Variants in POC1A observed in about 807,000 individuals in gnomAD.
POC1A encodes the protein POC1 centriolar protein A.
POC1A carries 34 observed loss-of-function variants against 47.8 expected under a neutral mutation model. The ratio of observed to expected loss-of-function variants is 0.71; its 90% CI spans 0.54 to 0.95. The LOEUF (loss-of-function observed/expected upper bound fraction) is 0.95, where lower values mean the gene tolerates loss of function less well. Among genes scored for constraint, POC1A ranks in the 40% least tolerant of loss-of-function variants. The pLI is 0.00. For synonymous variants in POC1A, 177 were observed against 207.6 expected (o/e 0.85, Z 1.27); for missense variants, 466 against 528.3 (o/e 0.88, Z 1.16).
chr3:52,099,026 T>C (rs527248753), intron 9 of POC1A, among the ~76,000 whole-genome samples: 42 of 152,306 alleles, frequency 2.8e-4, no homozygotes, highest in African/African-American at 7.7e-4. Flanking sequence ...GCAGGTGACA[T>C]TGACTGCAGC....
At chr3:52,081,651 G>A (rs1702298592) in intron 10 of POC1A, among the ~76,000 whole-genome samples, 1 of 152,150 alleles carries the variant, frequency 6.6e-6, no homozygotes, top group Admixed American at 6.5e-5. Flanking sequence ...GGGGAGGCAG[G>A]AGATGGGGTT....
intron 9 of POC1A, among the ~76,000 whole-genome samples, chr3:52,108,170 A>G (rs765531693): frequency 2.0e-5 from 3 of 152,240 alleles, no homozygotes; most frequent in Non-Finnish European, 4.4e-5. Context: ...ATTACAGGGA[A>G]TGTTGACCTT....
At chr3:52,114,134 A>G (rs528704647) in intron 9 of POC1A, among the ~76,000 whole-genome samples, 1 of 152,388 alleles carries the variant, frequency 6.6e-6, no homozygotes, top group East Asian at 1.9e-4. Flanking sequence ...CTTACTGCCA[A>G]CTAAGTTCTG....
At chr3:52,103,012 A>G (rs1703050263) in intron 9 of POC1A, among the ~76,000 whole-genome samples, 1 of 152,276 alleles carries the variant, frequency 6.6e-6, no homozygotes. Context: ...AAGGATAGAC[A>G]CGTACATTAA....
intron 7 of POC1A, among the ~76,000 whole-genome samples, chr3:52,129,665 G>A (rs1704137623): frequency 6.6e-6 from 1 of 152,178 alleles, no homozygotes. Context: ...ATGCCTCACA[G>A]GCTCAATAAG....
intron 9 of POC1A, among the ~76,000 whole-genome samples, chr3:52,107,577 T>C (rs769746746): frequency 3.9e-5 from 6 of 152,252 alleles, no homozygotes; most frequent in Non-Finnish European, 8.8e-5. Context: ...GAGCTGGTGC[T>C]GAGTATCTTA....
intron 7 of POC1A, among the ~76,000 whole-genome samples, chr3:52,137,385 C>A (rs546284309): frequency 6.6e-6 from 1 of 152,318 alleles, no homozygotes; most frequent in Non-Finnish European, 1.5e-5. Context: ...CCCAGGGCCT[C>A]CCTCAGCATG....
intron 6 of POC1A, among the ~76,000 whole-genome samples, chr3:52,145,268 A>T (rs1432415869): frequency 6.6e-6 from 1 of 152,150 alleles, no homozygotes; most frequent in Non-Finnish European, 1.5e-5. Flanking sequence ...GCCTGACATG[A>T]GCCCATGCCC....
At chr3:52,094,996 T>C (rs557059644) in intron 10 of POC1A, among the ~76,000 whole-genome samples, 18 of 152,342 alleles carry the variant, frequency 1.2e-4, no homozygotes, top group South Asian at 2.1e-4. Context: ...TAAAACACAG[T>C]GACAGGAAAT....
At chr3:52,105,502 G>A (rs541844472) in intron 9 of POC1A, among the ~76,000 whole-genome samples, 4 of 152,272 alleles carry the variant, frequency 2.6e-5, no homozygotes, top group African/African-American at 4.8e-5. Context: ...GGAACACACC[G>A]AGCTCACGTG....
intron 9 of POC1A, among the ~76,000 whole-genome samples, chr3:52,114,983 G>A (rs555881870): frequency 1.2e-4 from 19 of 152,274 alleles, no homozygotes; most frequent in Admixed American, 9.8e-4. Flanking sequence ...ACATTAACAG[G>A]CACATCTTGA....
chr3:52,119,249 C>G (rs1703680032), intron 9 of POC1A, among the ~76,000 whole-genome samples: 1 of 151,996 alleles, frequency 6.6e-6, no homozygotes, highest in Admixed American at 6.5e-5. Flanking sequence ...CTAAGACAGC[C>G]CCATCTCCAG....
At chr3:52,123,942 C>T (rs1703897146) in intron 8 of POC1A, among the ~76,000 whole-genome samples, 2 of 152,196 alleles carry the variant, frequency 1.3e-5, no homozygotes, top group Non-Finnish European at 2.9e-5. Flanking sequence ...TTTTGCCTTC[C>T]TCCTCCCTCG....
At chr3:52,097,850 G>C (rs765273753) in intron 9 of POC1A, among the ~76,000 whole-genome samples, 1 of 152,172 alleles carries the variant, frequency 6.6e-6, no homozygotes, top group Non-Finnish European at 1.5e-5. Flanking sequence ...CTAAGACTTC[G>C]GCCATCAGGG....
chr3:52,152,698 A>C, intron 1 of POC1A, among the ~76,000 whole-genome samples: 1 of 152,358 alleles, frequency 6.6e-6, no homozygotes, highest in African/African-American at 2.4e-5. Context: ...TTACACAAAA[A>C]CTTGTACACA....
At chr3:52,088,613 T>C (rs1702540351) in intron 10 of POC1A, among the ~76,000 whole-genome samples, 1 of 152,140 alleles carries the variant, frequency 6.6e-6, no homozygotes, top group African/African-American at 2.4e-5. Flanking sequence ...AGGCTGTGGC[T>C]TGCTTAATCT....
intron 9 of POC1A, among the ~76,000 whole-genome samples, chr3:52,105,734 A>G (rs976410110): frequency 2.0e-5 from 3 of 152,226 alleles, no homozygotes; most frequent in Non-Finnish European, 2.9e-5. Flanking sequence ...CTGCTTTCCT[A>G]AAACCATCTA....
At chr3:52,136,657 C>T (rs888943259) in intron 7 of POC1A, among the ~76,000 whole-genome samples, 1 of 152,240 alleles carries the variant, frequency 6.6e-6, no homozygotes, top group Admixed American at 6.5e-5. Context: ...CCCAAACCAT[C>T]AGCTGTCCCT....
chr3:52,122,316 T>C, intron 9 of POC1A, 63 bp downstream of exon 9: 4 of 921,210 alleles, frequency 4.3e-6, no homozygotes, highest in Non-Finnish European at 7.2e-6. Flanking sequence ...AGCCCAGAGC[T>C]GTTCACCATG....
Sources: allele counts gnomAD v4.1 joint callset (sites outside exome capture counted in the v4.1 genomes callset), GRCh38; gene constraint gnomAD v4.1.1; transcripts MANE v1.5; gene names NCBI Gene and HGNC (gene_info 2026-07-23, HGNC 2026-07-21).